AFG2A: variants seen among roughly 807,000 people sequenced by gnomAD.
The protein encoded by AFG2A is ATPase family gene 2 protein homolog A.
the AFG2A span, among the ~76,000 whole-genome samples, chr4:122,945,417 C>T: frequency 1.1e-4 from 17 of 152,220 alleles, no homozygotes; most frequent in Non-Finnish European, 2.2e-4. Flanking sequence ...TAGCAATCAG[C>T]GAGACTCCGT....
At chr4:122,985,610 A>G in the AFG2A span, among the ~76,000 whole-genome samples, 5 of 151,968 alleles carry the variant, frequency 3.3e-5, no homozygotes, top group Admixed American at 6.6e-5. Flanking sequence ...TTTGTATTTC[A>G]GTGGTATCAG....
the AFG2A span, among the ~76,000 whole-genome samples, chr4:122,969,635 ATTTTGATTGGAATTATTAAGTCTT>A: frequency 6.6e-6 from 1 of 152,176 alleles, no homozygotes; most frequent in Admixed American, 6.5e-5. Context: ...ACTGGCTTGC[ATTTTGATTGGAATTATTAAGTCTT>A]TCAATCAATT....
At chr4:122,934,904 T>G in the AFG2A span, among the ~76,000 whole-genome samples, 23 of 152,328 alleles carry the variant, frequency 1.5e-4, no homozygotes, top group African/African-American at 5.5e-4. Context: ...AAATGGGCCA[T>G]TTGCTATGCT....
At chr4:123,028,170 A>G in the AFG2A span, 1 of 1,602,560 alleles carries the variant, frequency 6.2e-7, no homozygotes, top group Non-Finnish European at 8.5e-7. Flanking sequence ...TATTTGGAAA[A>G]TGTTCTATTT....
chr4:123,309,215 T>C, the AFG2A span, among the ~76,000 whole-genome samples: 2 of 152,184 alleles, frequency 1.3e-5, no homozygotes, highest in Non-Finnish European at 2.9e-5. Context: ...TTCTGGCTGC[T>C]ATAACCAAAT....
chr4:123,015,591 C>A, the AFG2A span, among the ~76,000 whole-genome samples: 1 of 151,446 alleles, frequency 6.6e-6, no homozygotes. Flanking sequence ...CCTCTTTCTA[C>A]ACAGACATGG....
the AFG2A span, among the ~76,000 whole-genome samples, chr4:122,990,865 C>T: frequency 5.7e-3 from 871 of 152,298 alleles, 8 homozygotes; most frequent in African/African-American, 0.019. Context: ...CTAAAATTGC[C>T]GGCGCAAGCC....
the AFG2A span, among the ~76,000 whole-genome samples, chr4:123,278,755 G>T: frequency 2.7e-4 from 41 of 152,036 alleles, no homozygotes; most frequent in African/African-American, 9.9e-4. Flanking sequence ...CCATCTAATT[G>T]TATGGTTTTA....
At chr4:123,242,280 A>C in the AFG2A span, among the ~76,000 whole-genome samples, 38 of 152,330 alleles carry the variant, frequency 2.5e-4, no homozygotes, top group South Asian at 6.6e-3. Context: ...ATATGAAACC[A>C]AAAAGGAGCC....
the AFG2A span, among the ~76,000 whole-genome samples, chr4:123,302,084 G>A: frequency 1.3e-5 from 2 of 152,136 alleles, no homozygotes; most frequent in African/African-American, 4.8e-5. Context: ...GAAACATGGG[G>A]AATATTAAAA....
chr4:123,225,474 T>C, the AFG2A span, among the ~76,000 whole-genome samples: 1 of 152,228 alleles, frequency 6.6e-6, no homozygotes, highest in African/African-American at 2.4e-5. Flanking sequence ...AGGAATCCTT[T>C]CCCCATTTCT....
the AFG2A span, among the ~76,000 whole-genome samples, chr4:123,262,199 C>G: frequency 2.6e-5 from 4 of 152,136 alleles, no homozygotes; most frequent in African/African-American, 7.2e-5. Flanking sequence ...ACTCGGTGGG[C>G]ATTAATATTA....
the AFG2A span, among the ~76,000 whole-genome samples, chr4:123,044,840 G>A: frequency 6.6e-6 from 1 of 151,196 alleles, no homozygotes; most frequent in Admixed American, 6.6e-5. Flanking sequence ...CAAATTTACT[G>A]ATTTTTTTCT....
At chr4:123,069,664 G>A in the AFG2A span, among the ~76,000 whole-genome samples, 1 of 152,080 alleles carries the variant, frequency 6.6e-6, no homozygotes, top group Non-Finnish European at 1.5e-5. Flanking sequence ...ATTTTAGAAG[G>A]ATTTACTTAA....
At chr4:123,281,940 G>A in the AFG2A span, among the ~76,000 whole-genome samples, 1 of 152,180 alleles carries the variant, frequency 6.6e-6, no homozygotes, top group African/African-American at 2.4e-5. Flanking sequence ...TTAGGGGAAG[G>A]GAGGGATGAA....
chr4:122,980,085 A>G, the AFG2A span, among the ~76,000 whole-genome samples: 4 of 152,192 alleles, frequency 2.6e-5, no homozygotes, highest in East Asian at 3.8e-4. Context: ...AAGTAATTCC[A>G]TCACCACAAA....
At chr4:123,027,499 G>C in the AFG2A span, among the ~76,000 whole-genome samples, 15 of 152,158 alleles carry the variant, frequency 9.9e-5, no homozygotes, top group Middle Eastern at 3.4e-3. Flanking sequence ...TTCTTCCTGG[G>C]AACTCCCAAT....
the AFG2A span, among the ~76,000 whole-genome samples, chr4:123,129,467 G>T: frequency 1.3e-5 from 2 of 152,118 alleles, no homozygotes; most frequent in African/African-American, 4.8e-5. Flanking sequence ...ATTTTGAGGG[G>T]CTGGGATTTA....
the AFG2A span, among the ~76,000 whole-genome samples, chr4:123,304,784 T>C: frequency 1.3e-5 from 2 of 152,154 alleles, no homozygotes; most frequent in Non-Finnish European, 2.9e-5. Flanking sequence ...CAGGCTGCCG[T>C]GACCGAGCGC....
Sources: gnomAD v4.1 joint callset for allele counts (sites outside exome capture counted in the v4.1 genomes callset) on GRCh38, gnomAD v4.1.1 for gene constraint, MANE v1.5 for transcripts, NCBI Gene and HGNC (gene_info 2026-07-23, HGNC 2026-07-21) for gene names.